Variants in MYRIP observed in about 807,000 individuals in gnomAD.
The protein encoded by MYRIP is myosin VIIA and Rab interacting protein.
Under a neutral mutation model 98.0 loss-of-function variants are expected in MYRIP, and 49 were observed. The observed-to-expected ratio is 0.50, with a 90% CI of 0.40 to 0.63. MYRIP has a LOEUF of 0.63. Among genes scored for constraint, MYRIP ranks in the 30% least tolerant of loss-of-function variants. The pLI is 0.00. For synonymous variants in MYRIP, 404 were observed against 409.5 expected (o/e 0.99, Z 0.16); for missense variants, 1,004 against 1,058.2 (o/e 0.95, Z 0.71).
chr3:40,181,075 GCTGT>G (rs1287320475), intron 8 of MYRIP, among the ~76,000 whole-genome samples: 3 of 152,038 alleles, frequency 2.0e-5, no homozygotes, highest in Non-Finnish European at 4.4e-5. Flanking sequence ...GCTCATTTTT[GCTGT>G]CTTTCTTTCT....
intron 2 of MYRIP, among the ~76,000 whole-genome samples, chr3:39,919,727 T>TGTGTGTGTGAGAGA (rs1553645683): frequency 2.0e-4 from 25 of 123,384 alleles, no homozygotes; most frequent in African/African-American, 6.4e-4. Context: ...TGTGTGTGTG[T>TGTGTGTGTGAGAGA]GAGAGAGAGA....
At chr3:39,952,262 A>G (rs1168675632) in intron 2 of MYRIP, among the ~76,000 whole-genome samples, 2 of 152,104 alleles carry the variant, frequency 1.3e-5, no homozygotes, top group Non-Finnish European at 2.9e-5. Flanking sequence ...AGTCTATCAC[A>G]TGGGTATACC....
At chr3:40,054,556 A>G (rs919699809) in intron 3 of MYRIP, among the ~76,000 whole-genome samples, 1 of 152,150 alleles carries the variant, frequency 6.6e-6, no homozygotes, top group African/African-American at 2.4e-5. Context: ...GCCCTTCACA[A>G]TGTGGGTGAG....
intron 8 of MYRIP, among the ~76,000 whole-genome samples, chr3:40,180,798 G>A (rs978170353): frequency 1.3e-5 from 2 of 152,190 alleles, no homozygotes; most frequent in Non-Finnish European, 2.9e-5. Flanking sequence ...CCAAGGTTTC[G>A]TGGGGAAAGT....
At chr3:40,150,022 A>G (rs2125572872) in intron 3 of MYRIP, among the ~76,000 whole-genome samples, 1 of 152,322 alleles carries the variant, frequency 6.6e-6, no homozygotes, top group Non-Finnish European at 1.5e-5. Flanking sequence ...TGTTTTCAAA[A>G]TAGAAAGGCT....
chr3:40,106,231 C>T (rs1949047605), intron 3 of MYRIP, among the ~76,000 whole-genome samples: 1 of 152,036 alleles, frequency 6.6e-6, no homozygotes, highest in African/African-American at 2.4e-5. Flanking sequence ...CTCAGGCCCC[C>T]GAGACCAGTC....
chr3:40,099,642 A>AAAAGATCCCCTGAGATTT (rs2125890540), intron 3 of MYRIP, among the ~76,000 whole-genome samples: 1 of 152,272 alleles, frequency 6.6e-6, no homozygotes, highest in East Asian at 1.9e-4. Context: ...CCCTGCCCAA[A>AAAAGATCCCCTGAGATTT]AAAGATCCCC....
At chr3:40,034,457 A>C (rs1457537685) in intron 2 of MYRIP, among the ~76,000 whole-genome samples, 2 of 151,978 alleles carry the variant, frequency 1.3e-5, no homozygotes, top group Non-Finnish European at 2.9e-5. Flanking sequence ...ATGCAGCCAA[A>C]AGACACATGA....
At chr3:40,249,345 CT>C (rs1321328850) in intron 13 of MYRIP, among the ~76,000 whole-genome samples, 1 of 152,192 alleles carries the variant, frequency 6.6e-6, no homozygotes, top group Non-Finnish European at 1.5e-5. Context: ...TCCTCTCAGA[CT>C]GTGGCAATGT....
In MYRIP at chr3:39,977,273, G is replaced by A. The variant is rs138606908; in HGVS notation, c.111-66777G>A. Among the ~76,000 whole-genome samples, 15 of 152,184 alleles carry A rather than the reference G, an allele frequency of 9.9e-5. No individual in the cohort carries two copies. The East Asian group carries it at 2.9e-3, about 30-fold the overall frequency. On this transcript the variant is annotated intron_variant, in intron 2 of 16. Transcript: ENST00000302541. ...CATGCTGAGGACTAGAAGGAAATGAGGGGGGCAAGTCTTCAGGCCAGGCTC... is the reference window on the plus strand; with the variant it reads ...CATGCTGAGGACTAGAAGGAAATGAAGGGGGCAAGTCTTCAGGCCAGGCTC...
intron 2 of MYRIP, among the ~76,000 whole-genome samples, chr3:39,980,178 C>T (rs191388371): frequency 8.6e-4 from 131 of 152,170 alleles, no homozygotes; most frequent in African/African-American, 3.0e-3. Flanking sequence ...GAGGAGTGTC[C>T]GAATCTGAGG....
At chr3:39,849,207 C>T (rs747025352) in intron 1 of MYRIP, among the ~76,000 whole-genome samples, 6 of 152,250 alleles carry the variant, frequency 3.9e-5, no homozygotes, top group East Asian at 1.9e-4. Flanking sequence ...TTCCAAACCA[C>T]GCTGTCCACT....
At chr3:39,963,628 A>C (rs1201204310) in intron 2 of MYRIP, among the ~76,000 whole-genome samples, 2 of 152,178 alleles carry the variant, frequency 1.3e-5, no homozygotes, top group Non-Finnish European at 2.9e-5. Flanking sequence ...TACTATGATC[A>C]CAGTAAAAAC....
chr3:39,910,053 G>A (rs140655243), intron 2 of MYRIP, among the ~76,000 whole-genome samples: 3,202 of 152,060 alleles, frequency 0.021, 60 homozygotes, highest in Non-Finnish European at 0.029. Flanking sequence ...ACCACACCCC[G>A]CTGATTTTTG....
intron 3 of MYRIP, among the ~76,000 whole-genome samples, chr3:40,060,519 A>G (rs1433160204): frequency 6.6e-6 from 1 of 151,466 alleles, no homozygotes; most frequent in East Asian, 1.9e-4. Context: ...TTATACTTGA[A>G]TATTTTAGAG....
chr3:40,161,263 T>G (rs1345086591), intron 4 of MYRIP, among the ~76,000 whole-genome samples: 1 of 152,108 alleles, frequency 6.6e-6, no homozygotes, highest in East Asian at 1.9e-4. Context: ...ACACCAATGC[T>G]CCCACCTCCA....
chr3:40,002,948 A>G (rs1166226318), intron 2 of MYRIP, among the ~76,000 whole-genome samples: 1 of 151,922 alleles, frequency 6.6e-6, no homozygotes, highest in Non-Finnish European at 1.5e-5. Context: ...CTATAGCTAT[A>G]TGTGTGTATC....
At chr3:39,920,970 G>A (rs1448979326) in intron 2 of MYRIP, among the ~76,000 whole-genome samples, 1 of 152,148 alleles carries the variant, frequency 6.6e-6, no homozygotes, top group Non-Finnish European at 1.5e-5. Flanking sequence ...AAAGATCACT[G>A]GACATAGAGA....
intron 3 of MYRIP, among the ~76,000 whole-genome samples, chr3:40,110,239 C>T: frequency 6.6e-6 from 1 of 152,184 alleles, no homozygotes; most frequent in East Asian, 1.9e-4. Flanking sequence ...TGGCTGTGTC[C>T]TTGGAAAGGG....
Sources: gnomAD v4.1 joint callset for allele counts (sites outside exome capture counted in the v4.1 genomes callset) on GRCh38, gnomAD v4.1.1 for gene constraint, MANE v1.5 for transcripts, NCBI Gene and HGNC (gene_info 2026-07-23, HGNC 2026-07-21) for gene names.